NRG1: variants seen among roughly 807,000 people sequenced by gnomAD.
The protein encoded by NRG1 is pro-neuregulin-1, membrane-bound isoform.
Under a neutral mutation model 63.8 loss-of-function variants are expected in NRG1, and 18 were observed. The ratio of observed to expected loss-of-function variants is 0.28; its 90% confidence interval spans 0.19 to 0.42. The LOEUF (loss-of-function observed/expected upper bound fraction) is 0.42. Among genes scored for constraint, NRG1 ranks in the 10% least tolerant of loss-of-function variants. NRG1 has a pLI of 1.00. For missense variants in NRG1, 762 were observed against 814.7 expected, an observed-to-expected ratio of 0.94 and a Z score of 0.79; for synonymous variants, 302 against 301.3, an observed-to-expected ratio of 1.00 and a Z score of -0.02.
At chr8:32,392,505 T>A (rs1811904090) in intron 1 of NRG1, among the ~76,000 whole-genome samples, 1 of 152,102 alleles carries the variant, frequency 6.6e-6, no homozygotes, top group Non-Finnish European at 1.5e-5. Context: ...AATGAAGGAG[T>A]TGTTGTTGAT....
intron 1 of NRG1, among the ~76,000 whole-genome samples, chr8:32,104,210 G>A (rs1459627678): frequency 1.3e-5 from 2 of 152,154 alleles, no homozygotes; most frequent in South Asian, 2.1e-4. Flanking sequence ...AAATCTGTAC[G>A]GCATGTTACT....
intron 1 of NRG1, among the ~76,000 whole-genome samples, chr8:31,841,935 A>G (rs1367668653): frequency 6.6e-6 from 1 of 152,312 alleles, no homozygotes. Flanking sequence ...CTCCTGCAGA[A>G]GCTTCTCTGG....
At chr8:31,968,516 A>G (rs1472136444) in intron 1 of NRG1, among the ~76,000 whole-genome samples, 1 of 152,164 alleles carries the variant, frequency 6.6e-6, no homozygotes, top group African/African-American at 2.4e-5. Context: ...GAAGCCCCAA[A>G]AGAGCAGAGA....
chr8:31,819,579 T>C (rs1823806731), intron 1 of NRG1, among the ~76,000 whole-genome samples: 1 of 152,208 alleles, frequency 6.6e-6, no homozygotes, highest in South Asian at 2.1e-4. Context: ...CCCTACACAG[T>C]TGTTAGGTCT....
chr8:32,344,145 G>A (rs1359892513), intron 1 of NRG1, among the ~76,000 whole-genome samples: 1 of 152,100 alleles, frequency 6.6e-6, no homozygotes, highest in African/African-American at 2.4e-5. Context: ...GCTCCTCTTC[G>A]GAATATAGGA....
chr8:31,736,789 CATT>C (rs763350018), intron 1 of NRG1, among the ~76,000 whole-genome samples: 1 of 152,126 alleles, frequency 6.6e-6, no homozygotes, highest in Non-Finnish European at 1.5e-5. Context: ...GGCCATTCCT[CATT>C]ATATATAACT....
intron 1 of NRG1, among the ~76,000 whole-genome samples, chr8:31,867,158 CT>C (rs1179295760): frequency 2.0e-4 from 30 of 152,156 alleles, no homozygotes; most frequent in African/African-American, 6.0e-4. Context: ...AAGATGTTTC[CT>C]GCTTTGTTTC....
intron 1 of NRG1, among the ~76,000 whole-genome samples, chr8:32,354,564 T>C (rs1003370490): frequency 6.6e-6 from 1 of 151,934 alleles, no homozygotes; most frequent in Non-Finnish European, 1.5e-5. Context: ...TTACCAGGTA[T>C]CTATGTAAGT....
chr8:32,218,662 G>A (rs1845497995), intron 1 of NRG1, among the ~76,000 whole-genome samples: 1 of 152,214 alleles, frequency 6.6e-6, no homozygotes, highest in African/African-American at 2.4e-5. Flanking sequence ...ATCCTCATCT[G>A]TAAGATGCAG....
chr8:32,707,737 T>C (rs1279384429), intron 5 of NRG1, among the ~76,000 whole-genome samples: 1 of 147,162 alleles, frequency 6.8e-6, no homozygotes, highest in Non-Finnish European at 1.5e-5. Context: ...ATTTTTTTTT[T>C]CAGAAGGAAT....
intron 1 of NRG1, among the ~76,000 whole-genome samples, chr8:32,496,556 C>G (rs1367817029): frequency 6.6e-6 from 1 of 151,984 alleles, no homozygotes; most frequent in African/African-American, 2.4e-5. Context: ...AGCCACTGCA[C>G]TCCAGCCTGG....
At chr8:32,196,500 A>T (rs1439316431) in intron 1 of NRG1, among the ~76,000 whole-genome samples, 1 of 152,208 alleles carries the variant, frequency 6.6e-6, no homozygotes, top group Non-Finnish European at 1.5e-5. Flanking sequence ...AACTAGGATG[A>T]GAAGACAAGA....
chr8:32,697,217 G>C (rs1175179979), intron 5 of NRG1, among the ~76,000 whole-genome samples: 2 of 152,178 alleles, frequency 1.3e-5, no homozygotes, highest in Non-Finnish European at 2.9e-5. Flanking sequence ...AGAATCCCTA[G>C]GTTACATCAG....
intron 1 of NRG1, among the ~76,000 whole-genome samples, chr8:32,168,140 C>A (rs373338221): frequency 2.4e-4 from 36 of 152,190 alleles, no homozygotes; most frequent in African/African-American, 7.5e-4. Flanking sequence ...GCAATCACAG[C>A]CAGTGATGGG....
chr8:32,756,275 C>T, intron 8 of NRG1, 128 bp from the exon 9 acceptor site: 1 of 1,012,224 alleles, frequency 9.9e-7, no homozygotes, highest in Admixed American at 2.5e-5. Flanking sequence ...GGACATACTC[C>T]CTTCCCTCTT....
chr8:31,790,437 T>G (rs1820591696), intron 1 of NRG1, among the ~76,000 whole-genome samples: 1 of 152,198 alleles, frequency 6.6e-6, no homozygotes, highest in African/African-American at 2.4e-5. Flanking sequence ...AATAATAATC[T>G]TGGTGCTGAT....
chr8:31,849,313 A>G (rs1302491014), intron 1 of NRG1, among the ~76,000 whole-genome samples: 1 of 152,210 alleles, frequency 6.6e-6, no homozygotes, highest in Admixed American at 6.5e-5. Context: ...TCACTCCCAC[A>G]CCGCACAGCT....
At chr8:32,157,380 G>A (rs1372236122) in intron 1 of NRG1, among the ~76,000 whole-genome samples, 22 of 110,848 alleles carry the variant, frequency 2.0e-4, no homozygotes, top group African/African-American at 7.9e-4. Flanking sequence ...AAAAAAAAAA[G>A]GCCGGGCATG....
chr8:32,095,715 G>T (rs1186320624), intron 1 of NRG1, among the ~76,000 whole-genome samples: 1 of 152,134 alleles, frequency 6.6e-6, no homozygotes, highest in African/African-American at 2.4e-5. Flanking sequence ...TGTTGTGCAT[G>T]CTATTATGTC....
Sources: gnomAD v4.1 joint callset for allele counts (sites outside exome capture counted in the v4.1 genomes callset) on GRCh38, gnomAD v4.1.1 for gene constraint, MANE v1.5 for transcripts, NCBI Gene and HGNC (gene_info 2026-07-23, HGNC 2026-07-21) for gene names.